The following RGS6 variants were observed in gnomAD, a reference collection of about 807,000 sequenced individuals.
RGS6 encodes the protein regulator of G protein signaling 6, also known as regulator of G-protein signaling 6.
A neutral mutation model predicts 78.5 loss-of-function variants in RGS6; 30 were observed. The observed-to-expected ratio is 0.38, with a 90% confidence interval of 0.29 to 0.52. RGS6 has a LOEUF of 0.52. Ranked by LOEUF, RGS6 falls within the 20% of genes least tolerant of loss-of-function variation. RGS6 has a pLI of 0.85. For missense variants in RGS6, 495 were observed against 609.7 expected (o/e 0.81, Z 1.98); for synonymous variants, 206 against 206.0 (o/e 1.00, Z 0.00).
chr14:72,129,877 T>G (rs543066052), intron 2 of RGS6, among the ~76,000 whole-genome samples: 1 of 152,228 alleles, frequency 6.6e-6, no homozygotes, highest in African/African-American at 2.4e-5. Flanking sequence ...GGCACCACTG[T>G]TTTCCCATCG....
At chr14:72,501,027 G>A (rs915019827) in intron 13 of RGS6, among the ~76,000 whole-genome samples, 6 of 152,172 alleles carry the variant, frequency 3.9e-5, no homozygotes, top group African/African-American at 1.4e-4. Context: ...TTTGGTGGGT[G>A]TGGGTGAAGG....
intron 8 of RGS6, among the ~76,000 whole-genome samples, chr14:72,470,357 C>T (rs1482524317): frequency 6.6e-6 from 1 of 152,212 alleles, no homozygotes; most frequent in East Asian, 1.9e-4. Flanking sequence ...TACCTATTTC[C>T]CCAAGAGATT....
intron 2 of RGS6, among the ~76,000 whole-genome samples, chr14:72,083,157 C>A (rs1193084189): frequency 6.6e-6 from 1 of 152,182 alleles, no homozygotes; most frequent in Non-Finnish European, 1.5e-5. Context: ...CCACAATTCA[C>A]TCATACGCTC....
chr14:72,541,503 T>C, intron 17 of RGS6: 1 of 1,535,680 alleles, frequency 6.5e-7, no homozygotes, highest in African/African-American at 1.4e-5. Context: ...GGGTGCCTGG[T>C]CTATCTTCAT....
chr14:71,924,781 T>G, the RGS6 span, among the ~76,000 whole-genome samples: 2 of 152,248 alleles, frequency 1.3e-5, no homozygotes, highest in African/African-American at 4.8e-5. Context: ...TGTCTATGTA[T>G]CTAAATCTAC....
chr14:72,100,970 G>A (rs1002728293), intron 2 of RGS6, among the ~76,000 whole-genome samples: 2 of 152,098 alleles, frequency 1.3e-5, no homozygotes, highest in Non-Finnish European at 2.9e-5. Flanking sequence ...ACCAGCCTGG[G>A]CAACATGACA....
chr14:72,371,040 A>G (rs898857529), intron 3 of RGS6, among the ~76,000 whole-genome samples: 7 of 152,232 alleles, frequency 4.6e-5, no homozygotes, highest in African/African-American at 1.4e-4. Flanking sequence ...AGCACAGCCA[A>G]TACTGATGGA....
At chr14:72,493,645 A>G (rs555485169) in intron 12 of RGS6, among the ~76,000 whole-genome samples, 2 of 152,330 alleles carry the variant, frequency 1.3e-5, no homozygotes, top group Middle Eastern at 6.8e-3. Flanking sequence ...AAGGGCCATC[A>G]TGAAATTGCA....
intron 2 of RGS6, among the ~76,000 whole-genome samples, chr14:72,342,290 G>T (rs1041248366): frequency 1.3e-5 from 2 of 152,258 alleles, no homozygotes; most frequent in Admixed American, 1.3e-4. Context: ...CAGAGGCCAG[G>T]TGTGGTAGCT....
At chr14:72,014,513 A>G (rs1017324465) in intron 2 of RGS6, among the ~76,000 whole-genome samples, 3 of 152,216 alleles carry the variant, frequency 2.0e-5, no homozygotes, top group Admixed American at 6.5e-5. Flanking sequence ...AAGTGCAACA[A>G]CTGAGGTGGG....
At chr14:72,072,165 C>G (rs1338665216) in intron 2 of RGS6, among the ~76,000 whole-genome samples, 1 of 152,156 alleles carries the variant, frequency 6.6e-6, no homozygotes, top group African/African-American at 2.4e-5. Flanking sequence ...GAGGAGTGAA[C>G]TAAAGCATGG....
intron 2 of RGS6, among the ~76,000 whole-genome samples, chr14:72,097,151 A>C (rs539777077): frequency 2.6e-5 from 4 of 152,240 alleles, no homozygotes; most frequent in Non-Finnish European, 5.9e-5. Flanking sequence ...AGAAGTAAAC[A>C]TTAACTTAAA....
chr14:72,469,928 T>C, intron 7 of RGS6, 79 bp from the exon 8 acceptor site: 1 of 1,000,132 alleles, frequency 1.0e-6, no homozygotes, highest in Admixed American at 1.9e-5. Context: ...AATTGATGGA[T>C]GCCTTATAAT....
At chr14:72,480,759 G>A (rs781412982) in intron 12 of RGS6, among the ~76,000 whole-genome samples, 20 of 152,080 alleles carry the variant, frequency 1.3e-4, no homozygotes, top group South Asian at 2.1e-4. Context: ...AGGTGGGCAC[G>A]CACATCCACA....
At chr14:72,551,561 C>T (rs1355208118) in intron 17 of RGS6, among the ~76,000 whole-genome samples, 1 of 152,146 alleles carries the variant, frequency 6.6e-6, no homozygotes, top group Non-Finnish European at 1.5e-5. Flanking sequence ...CTCGTGTGAC[C>T]CCTTGAGAAC....
the RGS6 span, among the ~76,000 whole-genome samples, chr14:72,613,617 T>C: frequency 6.6e-6 from 1 of 152,222 alleles, no homozygotes; most frequent in South Asian, 2.1e-4. Flanking sequence ...CAGGACCCCC[T>C]CACAGCCAGG....
chr14:72,470,897 A>C (rs955086267), intron 8 of RGS6, among the ~76,000 whole-genome samples: 4 of 140,388 alleles, frequency 2.8e-5, no homozygotes, highest in African/African-American at 7.8e-5. Context: ...AAAAAAAAAA[A>C]CAAGATTATA....
chr14:72,503,158 G>T (rs2153430498), intron 13 of RGS6, among the ~76,000 whole-genome samples: 2 of 152,188 alleles, frequency 1.3e-5, no homozygotes, highest in South Asian at 4.2e-4. Flanking sequence ...GAGCTCTGGG[G>T]TGTCCTTTTA....
At chr14:72,389,078 C>T (rs188498882) in intron 3 of RGS6, among the ~76,000 whole-genome samples, 1 of 152,256 alleles carries the variant, frequency 6.6e-6, no homozygotes, top group Admixed American at 6.5e-5. Flanking sequence ...TGGGTTGTCT[C>T]GGGTCCATGT....
Sources: allele counts gnomAD v4.1 joint callset (sites outside exome capture counted in the v4.1 genomes callset), GRCh38; gene constraint gnomAD v4.1.1; transcripts MANE v1.5; gene names NCBI Gene and HGNC (gene_info 2026-07-23, HGNC 2026-07-21).